ARHGAP18: variants seen among roughly 807,000 people sequenced by gnomAD.
ARHGAP18 encodes the protein rho GTPase-activating protein 18.
Under a neutral mutation model 86.2 loss-of-function variants are expected in ARHGAP18, and 67 were observed. That is an observed-to-expected ratio of 0.78 (90% CI 0.64 to 0.95). The LOEUF (loss-of-function observed/expected upper bound fraction) is 0.95. Among genes scored for constraint, ARHGAP18 ranks in the 40% least tolerant of loss-of-function variants. ARHGAP18 has a pLI of 0.00. For synonymous variants in ARHGAP18, 283 were observed against 280.4 expected, an observed-to-expected ratio of 1.01 and a Z score of -0.09; for missense variants, 691 against 780.4, an observed-to-expected ratio of 0.89 and a Z score of 1.37.
chr6:129,638,676 C>A (rs768193893), intron 2 of ARHGAP18, 47 bp from the exon 3 acceptor site: 8 of 1,532,084 alleles, frequency 5.2e-6, no homozygotes, highest in East Asian at 2.3e-5. Flanking sequence ...AATATAACAA[C>A]CTTTACATTT....
chr6:129,682,302 C>T (rs1009195198), intron 1 of ARHGAP18, among the ~76,000 whole-genome samples: 27 of 152,158 alleles, frequency 1.8e-4, no homozygotes, highest in African/African-American at 2.7e-4. Context: ...AAACAACCCA[C>T]GCCTTTCTCT....
intron 1 of ARHGAP18, among the ~76,000 whole-genome samples, chr6:129,707,085 T>C (rs2114561358): frequency 6.6e-6 from 1 of 150,882 alleles, no homozygotes; most frequent in South Asian, 2.1e-4. Flanking sequence ...AATACAAAAT[T>C]AGCCAGGCGT....
intron 12 of ARHGAP18, among the ~76,000 whole-genome samples, chr6:129,592,195 T>C (rs915481847): frequency 3.3e-5 from 5 of 152,244 alleles, no homozygotes; most frequent in African/African-American, 1.2e-4. Flanking sequence ...AATCTGATTT[T>C]CCACTTGGGT....
chr6:129,636,634 T>C (rs1773338034), intron 3 of ARHGAP18, among the ~76,000 whole-genome samples: 1 of 152,144 alleles, frequency 6.6e-6, no homozygotes, highest in Non-Finnish European at 1.5e-5. Context: ...CCCAGCACTT[T>C]GGGAGGCTGA....
chr6:129,626,301 CTG>C (rs1231910209), intron 5 of ARHGAP18, among the ~76,000 whole-genome samples: 2 of 151,576 alleles, frequency 1.3e-5, no homozygotes, highest in African/African-American at 2.4e-5. Context: ...GTGGAAGAAA[CTG>C]TGCATAGTGA....
At chr6:129,610,579 A>G (rs1298260106) in intron 8 of ARHGAP18, among the ~76,000 whole-genome samples, 1 of 152,156 alleles carries the variant, frequency 6.6e-6, no homozygotes, top group African/African-American at 2.4e-5. Flanking sequence ...CTAATTATGC[A>G]TAGGATGTCA....
intron 1 of ARHGAP18, among the ~76,000 whole-genome samples, chr6:129,691,317 A>G (rs1458127785): frequency 1.3e-5 from 2 of 152,214 alleles, no homozygotes; most frequent in African/African-American, 2.4e-5. Context: ...CACTTACAGA[A>G]AAAGAAAACT....
intron 13 of ARHGAP18, among the ~76,000 whole-genome samples, chr6:129,583,641 C>T (rs1456941831): frequency 6.6e-6 from 1 of 152,114 alleles, no homozygotes; most frequent in Admixed American, 6.5e-5. Context: ...ATTTTCCTTA[C>T]AGCCTACAAA....
chr6:129,625,957 ATATATT>A (rs368372702), intron 5 of ARHGAP18, among the ~76,000 whole-genome samples: 8,874 of 104,986 alleles, frequency 0.085, 747 homozygotes, highest in Middle Eastern at 0.14. Flanking sequence ...TTTATATATT[ATATATT>A]TATATATTAT....
chr6:129,627,892 G>A (rs1789514543), intron 5 of ARHGAP18, among the ~76,000 whole-genome samples: 1 of 152,064 alleles, frequency 6.6e-6, no homozygotes, highest in Admixed American at 6.6e-5. Flanking sequence ...TGGTTATATG[G>A]TTAGGAGTTT....
At chr6:129,674,880 T>C (rs17057571) in intron 1 of ARHGAP18, among the ~76,000 whole-genome samples, 48,283 of 152,048 alleles carry the variant, frequency 0.32, 9,520 homozygotes, top group African/African-American at 0.56. Flanking sequence ...ACATATTAAG[T>C]GTGGCCAACT....
Position 129,616,271 on chromosome 6 carries a change from G to A in ARHGAP18, c.985C>T (p.Leu329=). 1.2e-6 allele frequency: 2 copies of A among 1,610,684 alleles called. No individual in the cohort carries two copies. The highest frequency in any genetic ancestry group is 1.7e-4 in the Middle Eastern group (1 of 6,046). The change falls in exon 7 of 15, where the codon CTA becomes TTA. Residue 329 remains leucine (L), a synonymous_variant. Transcript: ENST00000368149. ...SGLFCVPLTA[L]LEQDQRKVPG... is the part of the protein sequence containing the mutation. Reference sequence around the variant, plus strand: ...ACTTTCCTCTGATCTTGTTCTAATAGCGCTGTCAATGGAACGCAAAAAAGA... The same window carrying A: ...ACTTTCCTCTGATCTTGTTCTAATAACGCTGTCAATGGAACGCAAAAAAGA...
chr6:129,652,941 C>A (rs1322338139), intron 1 of ARHGAP18, among the ~76,000 whole-genome samples: 1 of 151,928 alleles, frequency 6.6e-6, no homozygotes, highest in African/African-American at 2.4e-5. Context: ...AATATATTGC[C>A]CTTCAGTAGG....
intron 1 of ARHGAP18, among the ~76,000 whole-genome samples, chr6:129,684,421 A>G (rs1269883960): frequency 6.6e-6 from 1 of 152,248 alleles, no homozygotes; most frequent in Non-Finnish European, 1.5e-5. Flanking sequence ...GGTTAGCTCT[A>G]GAGTAGTATT....
intron 13 of ARHGAP18, among the ~76,000 whole-genome samples, chr6:129,581,927 A>C (rs1214852796): frequency 6.6e-6 from 1 of 152,138 alleles, no homozygotes; most frequent in Non-Finnish European, 1.5e-5. Flanking sequence ...TTCCTAGTTA[A>C]TTACAATAAT....
chr6:129,637,627 C>CA (rs767575860), intron 3 of ARHGAP18, among the ~76,000 whole-genome samples: 1 of 152,136 alleles, frequency 6.6e-6, no homozygotes, highest in Admixed American at 6.5e-5. Flanking sequence ...TGTCAATCAC[C>CA]AAATTTTGAC....
chr6:129,613,385 C>G (rs1051048226), intron 7 of ARHGAP18, among the ~76,000 whole-genome samples: 11 of 152,142 alleles, frequency 7.2e-5, no homozygotes, highest in Admixed American at 3.9e-4. Context: ...CATTTAAAAC[C>G]TAATGTAACC....
At chr6:129,666,923 C>T (rs375255483) in intron 1 of ARHGAP18, among the ~76,000 whole-genome samples, 2 of 152,084 alleles carry the variant, frequency 1.3e-5, no homozygotes, top group Non-Finnish European at 2.9e-5. Context: ...ATAGCACTTC[C>T]TTTAAATCTG....
chr6:129,640,884 G>C (rs1392821516), intron 2 of ARHGAP18, among the ~76,000 whole-genome samples: 1 of 152,036 alleles, frequency 6.6e-6, no homozygotes, highest in South Asian at 2.1e-4. Flanking sequence ...CAAGAGAATT[G>C]GACATGAAAA....
Sources: allele counts gnomAD v4.1 joint callset (sites outside exome capture counted in the v4.1 genomes callset), GRCh38; gene constraint gnomAD v4.1.1; transcripts MANE v1.5; gene names NCBI Gene and HGNC (gene_info 2026-07-23, HGNC 2026-07-21).